ADAM12: variants seen among roughly 807,000 people sequenced by gnomAD.
The protein encoded by ADAM12 is disintegrin and metalloproteinase domain-containing protein 12.
ADAM12 carries 70 observed loss-of-function variants against 106.4 expected under a neutral mutation model. The ratio of observed to expected loss-of-function variants is 0.66; its 90% CI spans 0.54 to 0.80. The LOEUF is 0.80. Ranked by LOEUF, ADAM12 falls within the 30% of genes least tolerant of loss-of-function variation. The probability of loss-of-function intolerance (pLI) is 0.00; values close to 1 mark genes in which losing one functional copy is unlikely to be tolerated. For synonymous variants in ADAM12, 420 were observed against 433.5 expected (o/e 0.97, Z 0.39); for missense variants, 1,010 against 1,171.9 (o/e 0.86, Z 2.02).
rs919505897 is a variant in ADAM12, at chr10:126,043,551, G to A, written c.1996-403C>T. ...TACAGACCCAGAGCCCTGGGGCACCGCGGGACCTGACAGATGCTTGGCGCA... is the reference window on the plus strand; with the variant it reads ...TACAGACCCAGAGCCCTGGGGCACCACGGGACCTGACAGATGCTTGGCGCA... On this transcript the variant is annotated intron_variant, in intron 17 of 22. Transcript: ENST00000448723. The surrounding 1 kb of genome is among the most constrained non-coding windows in gnomAD (Gnocchi z 4.1). Among the ~76,000 whole-genome samples, 1 of 152,166 alleles carries A rather than the reference G, an allele frequency of 6.6e-6. No individual in the cohort carries two copies. Among genetic ancestry groups the A allele is most frequent in the Admixed American group, 6.5e-5 (1 of 15,286 alleles).
intron 4 of ADAM12, among the ~76,000 whole-genome samples, 172 bp downstream of exon 4, chr10:126,155,055 C>T: frequency 6.6e-6 from 1 of 152,050 alleles, no homozygotes; most frequent in Non-Finnish European, 1.5e-5. Context: ...GCCAAGGCTG[C>T]TGTTTTGGAT....
At chr10:126,160,337 C>T (rs1353987593) in intron 3 of ADAM12, among the ~76,000 whole-genome samples, 1 of 152,128 alleles carries the variant, frequency 6.6e-6, no homozygotes, top group Non-Finnish European at 1.5e-5. Flanking sequence ...AATGATATGT[C>T]CATTTAAATA....
At chr10:126,236,345 C>A (rs1401115140) in intron 3 of ADAM12, among the ~76,000 whole-genome samples, 1 of 152,138 alleles carries the variant, frequency 6.6e-6, no homozygotes, top group Non-Finnish European at 1.5e-5. Flanking sequence ...CCAGGGCCTG[C>A]GATGGGGAAG....
Position 126,275,554 on chromosome 10 carries a change from T to G in ADAM12, c.260+3361A>C, listed in dbSNP as rs1959220724. Among the ~76,000 whole-genome samples the G allele has an allele frequency of 1.3e-5, 2 of 152,222 alleles. 1 individual carries two copies. Among genetic ancestry groups the G allele is most frequent in the South Asian group, 4.1e-4 (2 of 4,838 alleles). The stretch of plus-strand genomic sequence containing the variant: ...GGATTAATTAGATGACTCTCAGCAT[T>G]AGCTATAGACTTAAGAGACTGGGAC... On this transcript the variant is annotated intron_variant, in intron 3 of 22. Transcript: ENST00000448723.
chr10:126,176,313 T>C (rs1957219196), intron 3 of ADAM12, among the ~76,000 whole-genome samples: 1 of 152,230 alleles, frequency 6.6e-6, no homozygotes, highest in Admixed American at 6.5e-5. Flanking sequence ...GGGTAAACAC[T>C]GCTCTCGGCC....
At chr10:126,183,204 A>G (rs550399286) in intron 3 of ADAM12, among the ~76,000 whole-genome samples, 1 of 152,330 alleles carries the variant, frequency 6.6e-6, no homozygotes, top group Non-Finnish European at 1.5e-5. Flanking sequence ...GCTCCCGCTG[A>G]TTCTACATAT....
At position 126,240,291 on chromosome 10, in the gene ADAM12, G is replaced by A. The variant is rs569979290; in HGVS notation, c.260+38624C>T. Among the ~76,000 whole-genome samples, 7 of 152,328 alleles carry A rather than the reference G, an allele frequency of 4.6e-5. No homozygotes were observed. The East Asian group carries it at 1.2e-3, about 25-fold the overall frequency. On this transcript the variant is annotated intron_variant, in intron 3 of 22. Transcript: ENST00000448723. ...ATTCCACAGCACTCATTAAGCTCTG[G>A]GCATTGTGGCACAGGCGATGCTCTG...
At chr10:126,319,852 G>A (rs1392159705) in intron 2 of ADAM12, among the ~76,000 whole-genome samples, 1 of 152,162 alleles carries the variant, frequency 6.6e-6, no homozygotes, top group Non-Finnish European at 1.5e-5. Context: ...TATTTTTAAA[G>A]ATCTAGCAAG....
At position 126,198,616 on chromosome 10, in the gene ADAM12, A is replaced by C. The variant is rs115149708; in HGVS notation, c.261-43311T>G. ...AGCACCTCCCCTGCTGCTCCTACCC[A>C]GCTGTGGGTGCCGGGGATCTCTGCC... is the stretch of plus-strand genomic sequence containing the variant. On this transcript the variant is annotated intron_variant, in intron 3 of 22. Coordinates refer to ENST00000448723, the MANE Select transcript of ADAM12 (RefSeq NM_001288973.2). Among the ~76,000 whole-genome samples the C allele has an allele frequency of 7.4e-3, 1,123 of 152,278 alleles. 17 individuals are homozygous for C. Among genetic ancestry groups the C allele is most frequent in the African/African-American group, 0.026 (1,074 of 41,568 alleles).
intron 13 of ADAM12, among the ~76,000 whole-genome samples, chr10:126,065,319 G>A (rs191223570): frequency 1.9e-4 from 29 of 152,312 alleles, no homozygotes; most frequent in East Asian, 5.8e-4. Context: ...GGAGGGAAGC[G>A]TTGGCTGCTG....
At chr10:126,112,827 C>G (rs573651137) in intron 6 of ADAM12, among the ~76,000 whole-genome samples, 1 of 152,220 alleles carries the variant, frequency 6.6e-6, no homozygotes, top group South Asian at 2.1e-4. Context: ...TCCTGAAACC[C>G]AGTGTCCTCC....
chr10:126,071,047 A>G (rs958631299), intron 12 of ADAM12, among the ~76,000 whole-genome samples: 13 of 152,156 alleles, frequency 8.5e-5, no homozygotes, highest in Non-Finnish European at 1.8e-4. Context: ...CAGAATTTCA[A>G]CTGCAGAGGA....
At chr10:126,375,874 G>A (rs559867093) in intron 1 of ADAM12, among the ~76,000 whole-genome samples, 9 of 151,336 alleles carry the variant, frequency 5.9e-5, no homozygotes, top group South Asian at 2.1e-4. Context: ...GCCTCCCTGC[G>A]TAGCTGGGAC....
intron 3 of ADAM12, among the ~76,000 whole-genome samples, chr10:126,256,919 T>TAAC (rs1554997040): frequency 1.2e-5 from 1 of 80,280 alleles, no homozygotes; most frequent in Non-Finnish European, 2.7e-5. Context: ...ATAATAATAA[T>TAAC]AATGATGATG....
chr10:126,251,857 A>AGATTGGATGGATGGATGGGAT (rs1958775001), intron 3 of ADAM12, among the ~76,000 whole-genome samples: 1 of 119,080 alleles, frequency 8.4e-6, no homozygotes, highest in African/African-American at 3.4e-5. Context: ...TGGGATGGAT[A>AGATTGGATGGATGGATGGGAT]GGACAGATGG....
At chr10:126,129,158 T>C (rs1261648009) in intron 5 of ADAM12, among the ~76,000 whole-genome samples, 1 of 152,266 alleles carries the variant, frequency 6.6e-6, no homozygotes, top group Admixed American at 6.5e-5. Flanking sequence ...GTCGAACCTC[T>C]GTGCCTGCAG....
At chr10:126,127,082 C>A (rs968802116) in intron 5 of ADAM12, among the ~76,000 whole-genome samples, 1 of 152,176 alleles carries the variant, frequency 6.6e-6, no homozygotes. Context: ...CTTGCTGACT[C>A]GTGCACATGT....
chr10:126,163,016 C>T (rs1263529468), intron 3 of ADAM12, among the ~76,000 whole-genome samples: 1 of 152,056 alleles, frequency 6.6e-6, no homozygotes, highest in African/African-American at 2.4e-5. Flanking sequence ...CCTCCTCCTC[C>T]CACCCCTTCC....
chr10:126,376,294 A>G (rs1856291368), intron 1 of ADAM12, among the ~76,000 whole-genome samples: 1 of 152,210 alleles, frequency 6.6e-6, no homozygotes, highest in Non-Finnish European at 1.5e-5. Flanking sequence ...TTCAAAGTCA[A>G]CCTACAAAAA....
Sources: gnomAD v4.1 joint callset for allele counts (sites outside exome capture counted in the v4.1 genomes callset) on GRCh38, gnomAD v4.1.1 for gene constraint, Gnocchi (gnomAD v3.1) non-coding constraint, MANE v1.5 for transcripts, NCBI Gene and HGNC (gene_info 2026-07-23, HGNC 2026-07-21) for gene names.